The following COL28A1 variants were observed in gnomAD, a reference collection of about 807,000 sequenced individuals.
The protein encoded by COL28A1 is collagen type XXVIII alpha 1 chain.
Under a neutral mutation model 150.2 loss-of-function variants are expected in COL28A1, and 161 were observed. That is an observed-to-expected ratio of 1.07 (90% CI 0.94 to 1.22). COL28A1 has a LOEUF of 1.22. Ranked by LOEUF, COL28A1 falls within the 50% of genes most tolerant of loss-of-function variation. The pLI is 0.00. For synonymous variants in COL28A1, 552 were observed against 469.7 expected (o/e 1.18, Z -2.26); for missense variants, 1,617 against 1,388.3 (o/e 1.16, Z -2.62).
intron 31 of COL28A1, among the ~76,000 whole-genome samples, chr7:7,374,038 A>AAAAAAAAAAAAAAATATATAT: frequency 3.5e-5 from 4 of 113,656 alleles, no homozygotes; most frequent in African/African-American, 1.5e-4. Context: ...AAAAAAAAAA[A>AAAAAAAAAAAAAAATATATAT]ATATATATAT....
intron 15 of COL28A1, among the ~76,000 whole-genome samples, chr7:7,463,424 T>C (rs958286093): frequency 6.6e-6 from 1 of 152,136 alleles, no homozygotes; most frequent in African/African-American, 2.4e-5. Flanking sequence ...AAATCTTTCC[T>C]GTATAGGTAA....
intron 15 of COL28A1, among the ~76,000 whole-genome samples, chr7:7,463,008 C>A (rs148883139): frequency 0.039 from 5,930 of 151,748 alleles, 423 homozygotes; most frequent in African/African-American, 0.14. Flanking sequence ...AAAATATGAA[C>A]AAAGCCTCCA....
At chr7:7,541,611 A>G in the COL28A1 span, among the ~76,000 whole-genome samples, 1 of 152,192 alleles carries the variant, frequency 6.6e-6, no homozygotes, top group Admixed American at 6.5e-5. Context: ...GGGACTTTGT[A>G]GAAAGACATA....
At chr7:7,416,995 A>C (rs183835595) in intron 27 of COL28A1, among the ~76,000 whole-genome samples, 3 of 150,988 alleles carry the variant, frequency 2.0e-5, no homozygotes, top group Non-Finnish European at 4.4e-5. Flanking sequence ...GCATGGTAAA[A>C]ATATATATAT....
intron 13 of COL28A1, among the ~76,000 whole-genome samples, chr7:7,481,010 T>C (rs570063807): frequency 6.6e-6 from 1 of 152,340 alleles, no homozygotes; most frequent in South Asian, 2.1e-4. Flanking sequence ...ACTCAATAAA[T>C]ATCTGCCATC....
At chr7:7,538,152 T>C (rs924133656), upstream of COL28A1, among the ~76,000 whole-genome samples, 1 of 152,182 alleles carries the variant, frequency 6.6e-6, no homozygotes, top group African/African-American at 2.4e-5. Flanking sequence ...TTATGCAAAA[T>C]AAAATCTTCA....
At chr7:7,428,592 G>A (rs1021436554) in intron 25 of COL28A1, among the ~76,000 whole-genome samples, 4 of 151,546 alleles carry the variant, frequency 2.6e-5, no homozygotes, top group African/African-American at 7.2e-5. Flanking sequence ...ACCACAAGAA[G>A]TGCCCTTAAT....
chr7:7,515,214 C>T (rs1781354619), intron 8 of COL28A1, among the ~76,000 whole-genome samples: 2 of 152,202 alleles, frequency 1.3e-5, no homozygotes, highest in South Asian at 4.1e-4. Context: ...TCAGAGGTTC[C>T]TGAGCCCCAG....
At chr7:7,374,583 G>A (rs955510905) in intron 31 of COL28A1, among the ~76,000 whole-genome samples, 14 of 152,078 alleles carry the variant, frequency 9.2e-5, no homozygotes, top group African/African-American at 3.4e-4. Context: ...ACCACTTAAA[G>A]CAGTTGCCAG....
chr7:7,454,273 G>A lies in COL28A1; in HGVS notation c.1372-765C>T, dbSNP rs147204018. Among the ~76,000 whole-genome samples, 706 of 152,226 alleles carry A rather than the reference G, an allele frequency of 4.6e-3. 5 individuals carry two copies. The highest frequency in any genetic ancestry group is 0.022 in the East Asian group (114 of 5,172). On this transcript the variant is annotated intron_variant, in intron 16 of 34. Coordinates refer to ENST00000399429, the MANE Select transcript of COL28A1 (RefSeq NM_001037763.3). ...CATGAGGGAAAACATTCATTTTTAT[G>A]AGAGAAATAGGAAGATCTAACATAA... is the stretch of plus-strand genomic sequence containing the variant.
At chr7:7,410,107 C>T (rs973924705) in intron 27 of COL28A1, among the ~76,000 whole-genome samples, 2 of 152,198 alleles carry the variant, frequency 1.3e-5, no homozygotes, top group East Asian at 1.9e-4. Context: ...AAAATGAAAG[C>T]GTGAACTAGT....
Position 7,361,368 on chromosome 7 carries a change from T to C in COL28A1, c.3067-840A>G, listed in dbSNP as rs143404975. ...TTGGGTATAGACCCAGTAATGGGAC[T>C]GCTGGGTCAAATGGTATTTCTGGTT... On this transcript the variant is annotated intron_variant, in intron 33 of 34. Transcript: ENST00000399429. Among the ~76,000 whole-genome samples, 864 of 152,338 alleles carry C rather than the reference T, an allele frequency of 5.7e-3. 10 individuals are homozygous for C. Among genetic ancestry groups the C allele is most frequent in the African/African-American group, 0.02 (834 of 41,562 alleles).
intron 13 of COL28A1, among the ~76,000 whole-genome samples, chr7:7,482,197 A>G (rs939155676): frequency 6.6e-6 from 1 of 152,220 alleles, no homozygotes; most frequent in Non-Finnish European, 1.5e-5. Context: ...CAGCCCTAAG[A>G]TAAGTCTTTA....
chr7:7,339,470 G>T, the COL28A1 span, among the ~76,000 whole-genome samples: 6 of 152,048 alleles, frequency 3.9e-5, no homozygotes, highest in Non-Finnish European at 5.9e-5. Flanking sequence ...TGGCTTTCGT[G>T]CTGAGGCAGA....
chr7:7,497,094 A>AAAGGAAGGAAGAAAGGAAGG (rs566791233), intron 11 of COL28A1, among the ~76,000 whole-genome samples: 4 of 123,770 alleles, frequency 3.2e-5, no homozygotes, highest in Non-Finnish European at 6.5e-5. Flanking sequence ...AGGAAGGAAG[A>AAAGGAAGGAAGAAAGGAAGG]AAGGAAGGAA....
chr7:7,501,146 G>A (rs139534429), intron 11 of COL28A1, among the ~76,000 whole-genome samples: 1 of 152,294 alleles, frequency 6.6e-6, no homozygotes, highest in East Asian at 1.9e-4. Context: ...GTAAAAGAAT[G>A]CTAAGTTTCT....
At chr7:7,512,454 T>C (rs1781197691) in intron 8 of COL28A1, among the ~76,000 whole-genome samples, 1 of 152,188 alleles carries the variant, frequency 6.6e-6, no homozygotes, top group Non-Finnish European at 1.5e-5. Context: ...CAAATTATAT[T>C]TTATACAATA....
intron 10 of COL28A1, 66 bp from the exon 11 acceptor site, chr7:7,506,133 T>C: frequency 2.3e-6 from 2 of 862,540 alleles, no homozygotes; most frequent in Non-Finnish European, 4.0e-6. Flanking sequence ...GAATCATTCT[T>C]TAGGGTCCCT....
At chr7:7,542,577 C>A in the COL28A1 span, among the ~76,000 whole-genome samples, 10 of 152,058 alleles carry the variant, frequency 6.6e-5, no homozygotes, top group African/African-American at 9.7e-5. Context: ...ACAGAGGGCA[C>A]CCAGGTCAGA....
Sources: allele counts gnomAD v4.1 joint callset (sites outside exome capture counted in the v4.1 genomes callset), GRCh38; gene constraint gnomAD v4.1.1; transcripts MANE v1.5; gene names NCBI Gene and HGNC (gene_info 2026-07-23, HGNC 2026-07-21).